Variants in ARHGEF10L observed in about 807,000 individuals in gnomAD.
ARHGEF10L encodes the protein rho guanine nucleotide exchange factor 10-like protein.
In ARHGEF10L, 69 loss-of-function variants were observed where a neutral mutation model predicts 141.2. The ratio of observed to expected loss-of-function variants is 0.49; its 90% CI spans 0.40 to 0.60. The LOEUF is 0.60. ARHGEF10L is among the 20% of genes least tolerant of loss of function. The pLI is 0.00. For missense variants in ARHGEF10L, 1,482 were observed against 1,734.3 expected (o/e 0.85, Z 2.58); for synonymous variants, 711 against 718.5 (o/e 0.99, Z 0.17).
At chr1:17,688,507 C>G (rs965206098) in intron 27 of ARHGEF10L, among the ~76,000 whole-genome samples, 1 of 152,254 alleles carries the variant, frequency 6.6e-6, no homozygotes, top group Non-Finnish European at 1.5e-5. Context: ...CAGCTTCCCC[C>G]AGAGAGACTG....
chr1:17,646,549 C>A (rs55836024), intron 21 of ARHGEF10L, among the ~76,000 whole-genome samples: 1 of 151,984 alleles, frequency 6.6e-6, no homozygotes, highest in South Asian at 2.1e-4. Context: ...GGTGGGGGAG[C>A]GCCTACCTCC....
intron 25 of ARHGEF10L, among the ~76,000 whole-genome samples, chr1:17,657,202 C>A (rs1438405168): frequency 6.6e-6 from 1 of 152,178 alleles, no homozygotes; most frequent in African/African-American, 2.4e-5. Context: ...TGAGCCATCC[C>A]TAGCACAGGT....
intron 1 of ARHGEF10L, among the ~76,000 whole-genome samples, chr1:17,546,143 G>A (rs2076906387): frequency 6.6e-6 from 1 of 152,154 alleles, no homozygotes; most frequent in African/African-American, 2.4e-5. Flanking sequence ...GGATCACCCT[G>A]CTTCCCTAAA....
At chr1:17,647,087 C>T (rs537313266) in intron 21 of ARHGEF10L, among the ~76,000 whole-genome samples, 74 of 152,182 alleles carry the variant, frequency 4.9e-4, no homozygotes, top group Admixed American at 3.5e-3. Context: ...GGGCAGGCTC[C>T]GGCTGCCTGC....
At chr1:17,667,438 G>T (rs1324784115) in intron 26 of ARHGEF10L, among the ~76,000 whole-genome samples, 2 of 152,210 alleles carry the variant, frequency 1.3e-5, no homozygotes, top group South Asian at 2.1e-4. Context: ...CTCAATATTG[G>T]GGGGAGTGGG....
chr1:17,566,531 G>A (rs576100172), intron 1 of ARHGEF10L, among the ~76,000 whole-genome samples: 94 of 152,348 alleles, frequency 6.2e-4, no homozygotes, highest in Admixed American at 2.6e-4. Flanking sequence ...GATGTGGAGG[G>A]GCCCTTGGAG....
rs556424280 is a variant in ARHGEF10L, at chr1:17,613,263, C to A, written c.726+89C>A. The A allele has an allele frequency of 6.7e-5, 74 of 1,111,442 alleles. No individual in the cohort carries two copies. The African/African-American group carries it at 1.0e-3, about 15-fold the overall frequency. The allele number at this position is 1,111,442 out of a possible 1,614,324, so 68.8% of individuals were successfully genotyped here. A position where few individuals can be genotyped will look rare whatever the true frequency, so the allele number is the denominator to read the frequency against. On this transcript the variant is annotated intron_variant, in intron 8 of 28. Coordinates refer to ENST00000361221, the MANE Select transcript of ARHGEF10L (RefSeq NM_018125.4). ...GGGTTTTCCTGCTGCCCTGGTACCA[C>A]GAAGCCTACCAGGCCCACCCTTGAG...
chr1:17,677,341 G>A (rs533235011), intron 26 of ARHGEF10L, among the ~76,000 whole-genome samples: 1 of 152,234 alleles, frequency 6.6e-6, no homozygotes, highest in Non-Finnish European at 1.5e-5. Context: ...CCTTACCTCT[G>A]TCTGTCTGTC....
rs377181455 is a variant in ARHGEF10L, at chr1:17,613,190, C to T, written c.726+16C>T. ...CGATTGTAAGGTATTGTCTGTCTGT[C>T]CCCTCAAGCCCTGGATGGGGGCTGT... On this transcript the variant is annotated intron_variant, in intron 8 of 28. Coordinates refer to ENST00000361221, the MANE Select transcript of ARHGEF10L (RefSeq NM_018125.4). The T allele has an allele frequency of 8.3e-5, 133 of 1,597,706 alleles. No individual in the cohort carries two copies. Among genetic ancestry groups the T allele is most frequent in the Non-Finnish European group, 1.1e-4 (131 of 1,166,352 alleles).
At chr1:17,694,614 G>T (rs1218711933) in intron 27 of ARHGEF10L, 1 of 282,886 alleles carries the variant, frequency 3.5e-6, no homozygotes, top group Non-Finnish European at 6.9e-6. Context: ...GGCCTGCAGG[G>T]TGTGCTGTGA....
At chr1:17,696,803 C>G in intron 28 of ARHGEF10L, 45 bp from the exon 29 acceptor site, 2 of 1,502,566 alleles carry the variant, frequency 1.3e-6, no homozygotes, top group Non-Finnish European at 1.8e-6. Context: ...TCCCTTAATG[C>G]GCTGGGCCTT....
chr1:17,592,446 G>C (rs917612932), intron 4 of ARHGEF10L, among the ~76,000 whole-genome samples: 1 of 152,118 alleles, frequency 6.6e-6, no homozygotes, highest in Non-Finnish European at 1.5e-5. Context: ...TCTCATTGGG[G>C]CCTGGAGCCA....
In ARHGEF10L at chr1:17,619,229, C is replaced by T. The variant is rs551941530; in HGVS notation, c.836-110C>T. ...CACGGGGCCCCAGGAGCTGCTTGCA[C>T]CCTAGGACCTGGGTCCAAGGCTGGT... On this transcript the variant is annotated intron_variant, in intron 9 of 28. Coordinates refer to ENST00000361221, the MANE Select transcript of ARHGEF10L (RefSeq NM_018125.4). The surrounding 1 kb of genome is among the most constrained non-coding windows in gnomAD (Gnocchi z 5.0). 1 of 1,079,466 alleles carries T rather than the reference C, an allele frequency of 9.3e-7. No individual in the cohort carries two copies. Among genetic ancestry groups the T allele is most frequent in the East Asian group, 2.6e-5 (1 of 38,156 alleles). The allele number at this position is 1,079,466 out of a possible 1,614,324, so 66.9% of individuals were successfully genotyped here. A position where few individuals can be genotyped will look rare whatever the true frequency, so the allele number is the denominator to read the frequency against.
chr1:17,650,328 C>T (rs201431226), intron 22 of ARHGEF10L, among the ~76,000 whole-genome samples: 2 of 152,096 alleles, frequency 1.3e-5, no homozygotes, highest in South Asian at 2.1e-4. Context: ...GTGGGAGGAT[C>T]GCTTGAGCCC....
intron 1 of ARHGEF10L, among the ~76,000 whole-genome samples, chr1:17,550,728 C>T (rs914477997): frequency 2.0e-5 from 3 of 151,732 alleles, no homozygotes; most frequent in Non-Finnish European, 4.4e-5. Flanking sequence ...CAAACTTGGG[C>T]ATCCTTAACA....
intron 28 of ARHGEF10L, among the ~76,000 whole-genome samples, chr1:17,696,467 G>A (rs2102625519): frequency 6.6e-6 from 1 of 152,222 alleles, no homozygotes; most frequent in African/African-American, 2.4e-5. Flanking sequence ...ACTGGGGCGA[G>A]CAGCTCCCCA....
chr1:17,672,233 T>C (rs2063370538), intron 26 of ARHGEF10L, among the ~76,000 whole-genome samples: 1 of 144,188 alleles, frequency 6.9e-6, no homozygotes. Flanking sequence ...TTTTCATGTT[T>C]AGTGCCTAAA....
chr1:17,653,489 C>G (rs1312107783), intron 22 of ARHGEF10L, among the ~76,000 whole-genome samples: 2 of 152,232 alleles, frequency 1.3e-5, no homozygotes, highest in Non-Finnish European at 2.9e-5. Context: ...GTGGCCTCGT[C>G]TCCACCAAGG....
intron 26 of ARHGEF10L, among the ~76,000 whole-genome samples, chr1:17,675,140 G>T (rs1346628097): frequency 6.6e-6 from 1 of 152,148 alleles, no homozygotes; most frequent in African/African-American, 2.4e-5. Context: ...GTTCTGGGTT[G>T]GTCCCAGCTT....
Sources: allele counts gnomAD v4.1 joint callset (sites outside exome capture counted in the v4.1 genomes callset), GRCh38; gene constraint gnomAD v4.1.1; non-coding constraint Gnocchi (gnomAD v3.1); transcripts MANE v1.5; gene names NCBI Gene and HGNC (gene_info 2026-07-23, HGNC 2026-07-21).